The following ADAMTS12 variants were observed in gnomAD, a reference collection of about 807,000 sequenced individuals.
The protein encoded by ADAMTS12 is A disintegrin and metalloproteinase with thrombospondin motifs 12.
A neutral mutation model predicts 167.8 loss-of-function variants in ADAMTS12; 118 were observed. That is an observed-to-expected ratio of 0.70 (90% CI 0.61 to 0.82). ADAMTS12 has a LOEUF of 0.82. Ranked by LOEUF, ADAMTS12 falls within the 40% of genes least tolerant of loss-of-function variation. The pLI is 0.00. For synonymous variants in ADAMTS12, 704 were observed against 716.9 expected (o/e 0.98, Z 0.29); for missense variants, 1,916 against 1,998.8 (o/e 0.96, Z 0.79).
At chr5:33,598,011 C>A (rs932641794) in intron 16 of ADAMTS12, among the ~76,000 whole-genome samples, 1 of 152,132 alleles carries the variant, frequency 6.6e-6, no homozygotes, top group African/African-American at 2.4e-5. Flanking sequence ...TCCAGAAGGG[C>A]ACAAAACCTT....
At chr5:33,883,811 T>A (rs1199363320) in intron 1 of ADAMTS12, among the ~76,000 whole-genome samples, 1 of 152,180 alleles carries the variant, frequency 6.6e-6, no homozygotes, top group East Asian at 1.9e-4. Context: ...CTGAGGTGTA[T>A]AACTGACTCA....
At chr5:33,604,649 T>C (rs1738350610) in intron 16 of ADAMTS12, among the ~76,000 whole-genome samples, 1 of 148,294 alleles carries the variant, frequency 6.7e-6, no homozygotes, top group Admixed American at 6.7e-5. Flanking sequence ...CCGACCTACC[T>C]GCTGGCTCCA....
intron 19 of ADAMTS12, among the ~76,000 whole-genome samples, chr5:33,570,739 C>A (rs1490353045): frequency 6.6e-6 from 1 of 150,900 alleles, no homozygotes; most frequent in Non-Finnish European, 1.5e-5. Context: ...CAAATTCACA[C>A]ATAACAATAT....
Position 33,770,772 on chromosome 5 carries a change from C to T in ADAMTS12, c.490-19224G>A, listed in dbSNP as rs1579921419. Among the ~76,000 whole-genome samples the T allele has an allele frequency of 2.0e-5, 3 of 152,136 alleles. No individual in the cohort carries two copies. The East Asian group carries it at 5.8e-4, about 29-fold the overall frequency. ...GAGCTCCCAACCAGCACTCCCTATCCTCCCTGCTTTCTTCTTCTCCTTCTC... is the reference window on the plus strand; with the variant it reads ...GAGCTCCCAACCAGCACTCCCTATCTTCCCTGCTTTCTTCTTCTCCTTCTC... On this transcript the variant is annotated intron_variant, in intron 2 of 23. Transcript: ENST00000504830.
chr5:33,604,195 T>C (rs1460404704), intron 16 of ADAMTS12, among the ~76,000 whole-genome samples: 1 of 152,172 alleles, frequency 6.6e-6, no homozygotes, highest in South Asian at 2.1e-4. Context: ...TCGTTTATAA[T>C]GAAAGATGTC....
At chr5:33,788,429 G>A (rs1746411340) in intron 2 of ADAMTS12, among the ~76,000 whole-genome samples, 1 of 152,118 alleles carries the variant, frequency 6.6e-6, no homozygotes, top group African/African-American at 2.4e-5. Flanking sequence ...AGGAAGGTAA[G>A]GGGAGGAGAT....
At chr5:33,835,959 G>C (rs200251798) in intron 2 of ADAMTS12, among the ~76,000 whole-genome samples, 6,569 of 56,390 alleles carry the variant, frequency 0.12, 507 homozygotes, top group African/African-American at 0.39. Flanking sequence ...CTCTCTGTGT[G>C]TGTGTGTGTG....
At chr5:33,580,462 T>G (rs460734) in intron 18 of ADAMTS12, among the ~76,000 whole-genome samples, 32,278 of 152,002 alleles carry the variant, frequency 0.21, 3,504 homozygotes, top group Non-Finnish European at 0.24. Context: ...TCCCCATGAG[T>G]TCCCTCCCTC....
In ADAMTS12 at chr5:33,595,925, G is replaced by A. The variant is rs373052350; in HGVS notation, c.2654+9C>T. The A allele has an allele frequency of 2.0e-4, 330 of 1,613,924 alleles. No homozygotes were observed. The highest frequency in any genetic ancestry group is 1.5e-3 in the African/African-American group (110 of 75,054). Reference sequence around the variant, plus strand: ...GACACACAGAGCTCCAGCTGTTAGCGATGGTTACCTGGGTGGACAAGCCTT... The same window carrying A: ...GACACACAGAGCTCCAGCTGTTAGCAATGGTTACCTGGGTGGACAAGCCTT... On this transcript the variant is annotated intron_variant, in intron 17 of 23. Transcript: ENST00000504830.
At chr5:33,652,699 T>G (rs1162901502) in intron 7 of ADAMTS12, among the ~76,000 whole-genome samples, 1 of 152,146 alleles carries the variant, frequency 6.6e-6, no homozygotes, top group Non-Finnish European at 1.5e-5. Flanking sequence ...ATAAATTCTT[T>G]GCCTGGACCA....
At chr5:33,859,833 G>A (rs897779002) in intron 2 of ADAMTS12, among the ~76,000 whole-genome samples, 1 of 152,212 alleles carries the variant, frequency 6.6e-6, no homozygotes, top group Admixed American at 6.5e-5. Context: ...AATCTTTGCT[G>A]TTCTGCAGCC....
Position 33,650,122 on chromosome 5 carries a change from G to A in ADAMTS12, c.1191-425C>T, listed in dbSNP as rs1740820577. ...TTCATCAGAATTTAAGAGACAGCAT[G>A]AAAGGAGAAGCCTCTGGGAGACTTT... is the stretch of plus-strand genomic sequence containing the variant. On this transcript the variant is annotated intron_variant, in intron 7 of 23. Transcript: ENST00000504830. Among the ~76,000 whole-genome samples the A allele has an allele frequency of 2.6e-5, 4 of 152,336 alleles. No homozygotes were observed. In the South Asian group the frequency reaches 8.3e-4, roughly 32 times the overall value.
At chr5:33,588,916 G>T in intron 17 of ADAMTS12, 107 bp from the exon 18 acceptor site, 2 of 1,343,682 alleles carry the variant, frequency 1.5e-6, no homozygotes, top group Non-Finnish European at 2.0e-6. Context: ...GGCTGGAAGG[G>T]CCATGGAGAC....
At chr5:33,544,050 T>C (rs912832416) in intron 22 of ADAMTS12, among the ~76,000 whole-genome samples, 3 of 152,160 alleles carry the variant, frequency 2.0e-5, no homozygotes, top group Non-Finnish European at 4.4e-5. Context: ...TGTATTCAAT[T>C]AGGAAAAGAG....
intron 14 of ADAMTS12, among the ~76,000 whole-genome samples, chr5:33,617,363 T>C (rs1438303985): frequency 6.6e-6 from 1 of 152,178 alleles, no homozygotes; most frequent in African/African-American, 2.4e-5. Context: ...TTCATCTTCC[T>C]CTGGCGCTAA....
At chr5:33,881,065 G>C (rs1750417853) in intron 2 of ADAMTS12, 54 bp downstream of exon 2, 1 of 1,580,126 alleles carries the variant, frequency 6.3e-7, no homozygotes, top group Non-Finnish European at 8.6e-7. Flanking sequence ...AGGTCTACCA[G>C]CTGAGACTCT....
chr5:33,633,210 G>C (rs1414228859), intron 12 of ADAMTS12, among the ~76,000 whole-genome samples: 1 of 21,658 alleles, frequency 4.6e-5, no homozygotes, highest in Non-Finnish European at 2.2e-4. Flanking sequence ...ATAAGTCTTG[G>C]CCCTCAAATA....
At chr5:33,668,421 T>C (rs978351385) in intron 5 of ADAMTS12, among the ~76,000 whole-genome samples, 3 of 152,214 alleles carry the variant, frequency 2.0e-5, no homozygotes, top group Non-Finnish European at 4.4e-5. Context: ...TATTTAGTGG[T>C]CCTGGCATCT....
Position 33,551,817 on chromosome 5 carries a change from T to C in ADAMTS12, c.4126-2434A>G, listed in dbSNP as rs531682077. Among the ~76,000 whole-genome samples the C allele has an allele frequency of 2.0e-5, 3 of 152,320 alleles. No individual in the cohort carries two copies. The South Asian group carries it at 6.2e-4, about 32-fold the overall frequency. On this transcript the variant is annotated intron_variant, in intron 20 of 23. Transcript: ENST00000504830. ...TTTTCAAAAGAGCCTCTGATTCTGT[T>C]AGCAAGAGGGAAGTGACAGCATATT...
Sources: gnomAD v4.1 joint callset for allele counts (sites outside exome capture counted in the v4.1 genomes callset) on GRCh38, gnomAD v4.1.1 for gene constraint, MANE v1.5 for transcripts, NCBI Gene and HGNC (gene_info 2026-07-23, HGNC 2026-07-21) for gene names.